The following RECK variants were observed in gnomAD, a reference collection of about 807,000 sequenced individuals.
RECK encodes the protein reversion inducing cysteine rich protein with kazal motifs.
A neutral mutation model predicts 115.1 loss-of-function variants in RECK; 69 were observed. That is an observed-to-expected ratio of 0.60 (90% CI 0.49 to 0.73). RECK has a LOEUF of 0.73. Ranked by LOEUF, RECK falls within the 30% of genes least tolerant of loss-of-function variation. The probability of loss-of-function intolerance (pLI) is 0.00; values close to 1 mark genes in which losing one functional copy is unlikely to be tolerated. For missense variants in RECK, 1,047 were observed against 1,203.7 expected, an observed-to-expected ratio of 0.87 and a Z score of 1.93; for synonymous variants, 414 against 419.7, an observed-to-expected ratio of 0.99 and a Z score of 0.17.
At chr9:36,063,178 G>C (rs1821853811) in intron 4 of RECK, among the ~76,000 whole-genome samples, 1 of 152,054 alleles carries the variant, frequency 6.6e-6, no homozygotes, top group Non-Finnish European at 1.5e-5. Flanking sequence ...TCATCTTTCA[G>C]TTTCACAATC....
intron 1 of RECK, among the ~76,000 whole-genome samples, chr9:36,040,621 GA>G (rs1463298467): frequency 6.6e-6 from 1 of 151,984 alleles, no homozygotes; most frequent in East Asian, 1.9e-4. Context: ...GCTGCTGAAT[GA>G]AAAAAATTAT....
In RECK at chr9:36,123,164, C is replaced by T. The variant is rs982633454; in HGVS notation, c.*119C>T. The T allele has an allele frequency of 2.9e-5, 20 of 691,034 alleles. No homozygotes were observed. Among genetic ancestry groups the T allele is most frequent in the South Asian group, 6.6e-5 (3 of 45,238 alleles). The allele number at this position is 691,034 out of a possible 1,614,324, so 42.8% of individuals were successfully genotyped here. ...AGGAAAGGCACATGTCACCTCTATTCGCCACACAGTATTTTTTTTTTTAAT... is the reference window on the plus strand; with the variant it reads ...AGGAAAGGCACATGTCACCTCTATTTGCCACACAGTATTTTTTTTTTTAAT... On this transcript the variant is annotated 3_prime_UTR_variant, in exon 21 of 21. Transcript: ENST00000377966.
At chr9:36,058,746 A>C in intron 2 of RECK, 81 bp from the exon 3 acceptor site, 1 of 684,200 alleles carries the variant, frequency 1.5e-6, no homozygotes, top group Non-Finnish European at 2.2e-6. Flanking sequence ...ACAACTGATA[A>C]ATCTAGAGGA....
rs1159934109 is a variant in RECK at position 36,036,969 on chromosome 9, C to T, written c.-30C>T. ...CTGCGGCCAAGCTGGGTCCGAGCAT[C>T]CCGCGGCTCTGGAGCCGCCCGGCCC... is the stretch of plus-strand genomic sequence containing the variant. On this transcript the variant is annotated 5_prime_UTR_variant, in exon 1 of 21. Coordinates refer to ENST00000377966, the MANE Select transcript of RECK (RefSeq NM_021111.3). 1.4e-6 allele frequency: 2 copies of T among 1,386,586 alleles called. No individual in the cohort carries two copies. Among genetic ancestry groups the T allele is most frequent in the Non-Finnish European group, 1.9e-6 (2 of 1,064,184 alleles). 85.9% of individuals were successfully genotyped at this position (1,386,586 alleles called of 1,614,324 possible). A position where few individuals can be genotyped will look rare whatever the true frequency, so the allele number is the denominator to read the frequency against.
chr9:36,081,594 G>A (rs926259909), intron 7 of RECK, among the ~76,000 whole-genome samples: 10 of 152,116 alleles, frequency 6.6e-5, no homozygotes, highest in South Asian at 2.1e-4. Flanking sequence ...AGCACTTTGC[G>A]AGGCAGAGAC....
intron 11 of RECK, among the ~76,000 whole-genome samples, chr9:36,100,953 T>C (rs947564567): frequency 4.6e-5 from 7 of 151,964 alleles, no homozygotes; most frequent in African/African-American, 1.5e-4. Flanking sequence ...GCTCTTCTTC[T>C]TCTTTTTTTG....
intron 6 of RECK, chr9:36,066,752 CTG>C: frequency 8.0e-7 from 1 of 1,254,956 alleles, no homozygotes; most frequent in South Asian, 1.3e-5. Context: ...ATGTCTGACA[CTG>C]TCCATCTTCC....
At chr9:36,091,842 A>T (rs965702760) in intron 10 of RECK, among the ~76,000 whole-genome samples, 1 of 152,246 alleles carries the variant, frequency 6.6e-6, no homozygotes, top group Admixed American at 6.5e-5. Flanking sequence ...GCCTTGGAGC[A>T]TATCAACAGT....
Position 36,073,241 on chromosome 9 carries a change from GACACACAC to G in RECK, c.406-7334_406-7327del, listed in dbSNP as rs778489595. Among the ~76,000 whole-genome samples the G allele has an allele frequency of 1.8e-4, 12 of 67,498 alleles. 1 individual carries two copies. The highest frequency in any genetic ancestry group is 1.1e-3 in the Admixed American group (7 of 6,544). The allele number at this position is 67,498 out of a possible 152,430, so 44.3% of individuals were successfully genotyped here. A position where few individuals can be genotyped will look rare whatever the true frequency, so the allele number is the denominator to read the frequency against. The stretch of plus-strand genomic sequence containing the variant: ...ACACAGACACACACAGACACACACA[GACACACAC>G]ACACACACACACACACACACACACA... On this transcript the variant is annotated intron_variant, in intron 6 of 20. Transcript: ENST00000377966.
At chr9:36,120,521 A>G (rs1824421708) in intron 18 of RECK, 142 bp from the exon 19 acceptor site, 1 of 641,576 alleles carries the variant, frequency 1.6e-6, no homozygotes, top group Non-Finnish European at 2.7e-6. Flanking sequence ...AGGTTGGTCA[A>G]GGAGCTTATA....
intron 16 of RECK, 64 bp downstream of exon 16, chr9:36,112,540 T>C (rs1824098621): frequency 6.7e-7 from 1 of 1,490,236 alleles, no homozygotes; most frequent in Non-Finnish European, 9.3e-7. Flanking sequence ...ATCTACCATA[T>C]ACCAGACAGT....
At chr9:36,058,351 A>T (rs1460652294) in intron 2 of RECK, among the ~76,000 whole-genome samples, 2 of 146,366 alleles carry the variant, frequency 1.4e-5, no homozygotes, top group Non-Finnish European at 3.0e-5. Flanking sequence ...TGTCCTTTGT[A>T]GGGACATGGA....
At chr9:36,081,454 G>A (rs1361444193) in intron 7 of RECK, among the ~76,000 whole-genome samples, 1 of 152,112 alleles carries the variant, frequency 6.6e-6, no homozygotes, top group Non-Finnish European at 1.5e-5. Context: ...GTTCCTATGT[G>A]TCTGTTCTTA....
intron 6 of RECK, among the ~76,000 whole-genome samples, chr9:36,078,280 A>G (rs1822535407): frequency 6.6e-6 from 1 of 152,354 alleles, no homozygotes; most frequent in East Asian, 1.9e-4. Flanking sequence ...GATTTCTCAC[A>G]TTTCGCAGGT....
In RECK at chr9:36,094,626, G is replaced by T. The variant is rs1203101233; in HGVS notation, c.1085+3283G>T. On this transcript the variant is annotated intron_variant, in intron 10 of 20. Coordinates refer to ENST00000377966, the MANE Select transcript of RECK (RefSeq NM_021111.3). This position sits in a 1 kb window ranked among gnomAD's most constrained non-coding sequence, Gnocchi z 4.1. The stretch of plus-strand genomic sequence containing the variant: ...TATCAATAATTACATAAACGTAAAT[G>T]AACTAAAAACATCGATTGAAAGGCA... 6.6e-6 allele frequency among the ~76,000 whole-genome samples: 1 copy of T among 152,070 alleles called. No homozygotes were observed. The highest frequency in any genetic ancestry group is 2.4e-5 in the African/African-American group (1 of 41,418).
chr9:36,103,442 A>G (rs531574179), intron 12 of RECK, among the ~76,000 whole-genome samples: 59 of 152,328 alleles, frequency 3.9e-4, no homozygotes, highest in African/African-American at 1.4e-3. Context: ...TGGCTATTGG[A>G]GTTCTAACCA....
At chr9:36,066,963 C>A in intron 6 of RECK, 4 of 774,358 alleles carry the variant, frequency 5.2e-6, no homozygotes, top group Admixed American at 2.8e-5. Context: ...ATTAAGCAAC[C>A]ATTTTCCAAA....
At chr9:36,083,145 A>G (rs1473554681) in intron 7 of RECK, among the ~76,000 whole-genome samples, 1 of 152,186 alleles carries the variant, frequency 6.6e-6, no homozygotes, top group African/African-American at 2.4e-5. Context: ...CCACTGGACT[A>G]TAGACTGTAA....
rs555604947 is a variant in RECK, at chr9:36,061,639, A to G, written c.271+1484A>G. ...CAGCAGCATACTTCATTATGATATAACAAGTCACAGAGTTTATGACCTATG... is the reference window on the plus strand; with the variant it reads ...CAGCAGCATACTTCATTATGATATAGCAAGTCACAGAGTTTATGACCTATG... On this transcript the variant is annotated intron_variant, in intron 4 of 20. Transcript: ENST00000377966. 9.2e-5 allele frequency among the ~76,000 whole-genome samples: 14 copies of G among 152,324 alleles called. No homozygotes were observed. In the East Asian group the frequency reaches 1.3e-3, roughly 15 times the overall value.
Sources: allele counts gnomAD v4.1 joint callset (sites outside exome capture counted in the v4.1 genomes callset), GRCh38; gene constraint gnomAD v4.1.1; non-coding constraint Gnocchi (gnomAD v3.1); transcripts MANE v1.5; gene names NCBI Gene and HGNC (gene_info 2026-07-23, HGNC 2026-07-21).